SLC24A3: variants seen among roughly 807,000 people sequenced by gnomAD.
The protein encoded by SLC24A3 is solute carrier family 24 member 3.
Under a neutral mutation model 75.8 loss-of-function variants are expected in SLC24A3, and 28 were observed. The ratio of observed to expected loss-of-function variants is 0.37; its 90% CI spans 0.27 to 0.51. The LOEUF is 0.51. Ranked by LOEUF, SLC24A3 falls within the 20% of genes least tolerant of loss-of-function variation. SLC24A3 has a pLI of 0.94. For synonymous variants in SLC24A3, 372 were observed against 334.1 expected, an observed-to-expected ratio of 1.11 and a Z score of -1.24; for missense variants, 663 against 847.8, an observed-to-expected ratio of 0.78 and a Z score of 2.71.
At chr20:19,248,373 AT>A (rs568298333) in intron 1 of SLC24A3, among the ~76,000 whole-genome samples, 132 of 152,366 alleles carry the variant, frequency 8.7e-4, no homozygotes, top group African/African-American at 3.0e-3. Flanking sequence ...TAATAAAAAA[AT>A]GACGATGGTT....
chr20:19,385,647 T>C (rs939759363), intron 2 of SLC24A3, among the ~76,000 whole-genome samples: 1 of 152,050 alleles, frequency 6.6e-6, no homozygotes, highest in Non-Finnish European at 1.5e-5. Flanking sequence ...AATTGGCTTT[T>C]TTTTTTTTTT....
intron 2 of SLC24A3, chr20:19,284,568 G>T (rs1983757116): frequency 6.6e-6 from 1 of 152,488 alleles, no homozygotes; most frequent in Admixed American, 6.5e-5. Flanking sequence ...TTTACACAGG[G>T]ACTTGAGTGT....
intron 2 of SLC24A3, chr20:19,355,199 A>G (rs1027629481): frequency 5.3e-5 from 8 of 152,174 alleles, no homozygotes; most frequent in East Asian, 3.9e-4. Context: ...TGTGGTTCCA[A>G]TCACTGCATT....
intron 3 of SLC24A3, among the ~76,000 whole-genome samples, chr20:19,548,948 G>A (rs1305071279): frequency 2.0e-5 from 3 of 152,218 alleles, no homozygotes; most frequent in African/African-American, 7.2e-5. Context: ...GCAGGTCAGG[G>A]CAGTAGGGTT....
At chr20:19,283,664 C>G (rs1266144666) in intron 2 of SLC24A3, among the ~76,000 whole-genome samples, 1 of 152,212 alleles carries the variant, frequency 6.6e-6, no homozygotes, top group Non-Finnish European at 1.5e-5. Context: ...TAGAGTCACA[C>G]TGACCTGAAG....
chr20:19,665,858 TCA>T lies in SLC24A3; in HGVS notation c.688-3_688-2del. 3 of 1,602,820 alleles carry T rather than the reference TCA, an allele frequency of 1.9e-6. No individual in the cohort carries two copies. Among genetic ancestry groups the T allele is most frequent in the Non-Finnish European group, 2.6e-6 (3 of 1,173,750 alleles). ...CTAATCTTCTATTCTTTTTATTTTT[TCA>T]CAGTTTATTTATGATGAAAAAGTTT... On this transcript the variant is annotated splice_region_variant and splice_polypyrimidine_tract_variant and intron_variant, in intron 7 of 16. Transcript: ENST00000328041.
chr20:19,452,376 A>ATGTGTGTGTGTGTGTGTG (rs34840970), intron 2 of SLC24A3, among the ~76,000 whole-genome samples: 74 of 113,060 alleles, frequency 6.5e-4, no homozygotes, highest in East Asian at 3.9e-3. Flanking sequence ...CCTGTGGGGG[A>ATGTGTGTGTGTGTGTGTG]TGTGTGTGTG....
chr20:19,680,101 C>T (rs1021163701), intron 9 of SLC24A3, among the ~76,000 whole-genome samples: 11 of 137,376 alleles, frequency 8.0e-5, no homozygotes, highest in East Asian at 2.1e-4. Context: ...TCTGTGTGTG[C>T]GAGTGTGTGT....
At chr20:19,521,988 T>A (rs2122565173) in intron 3 of SLC24A3, among the ~76,000 whole-genome samples, 1 of 152,246 alleles carries the variant, frequency 6.6e-6, no homozygotes, top group South Asian at 2.1e-4. Flanking sequence ...CAACTCTCCA[T>A]TTGTAGGCCA....
At chr20:19,281,949 G>A (rs758464712) in intron 2 of SLC24A3, among the ~76,000 whole-genome samples, 1 of 152,192 alleles carries the variant, frequency 6.6e-6, no homozygotes, top group East Asian at 1.9e-4. Context: ...CTTTGACTTG[G>A]ACCTCGAAGC....
In SLC24A3 at chr20:19,647,787, CAA is replaced by C. The variant is rs143536803; in HGVS notation, c.613-6274_613-6273del. ...TTCAGCAAGATCAATGAAGAGCACT[CAA>C]GAGATTATTCTATGTCTGCACTGTC... On this transcript the variant is annotated intron_variant, in intron 6 of 16. Coordinates refer to ENST00000328041, the MANE Select transcript of SLC24A3 (RefSeq NM_020689.4). 7.2e-4 allele frequency among the ~76,000 whole-genome samples: 110 copies of C among 152,296 alleles called. 1 individual carries two copies. Among genetic ancestry groups the C allele is most frequent in the African/African-American group, 2.5e-3 (102 of 41,556 alleles).
chr20:19,698,637 TC>T lies in SLC24A3; in HGVS notation c.1680del (p.Trp561GlyfsTer16). 1 of 1,593,308 alleles carries T rather than the reference TC, an allele frequency of 6.3e-7. No homozygotes were observed. The highest frequency in any genetic ancestry group is 8.6e-7 in the Non-Finnish European group (1 of 1,167,918). The part of the protein sequence containing the change: ...NVFDILIGLG[L>X]PWALQTLAVD... ...TTTGACATCCTGATTGGCCTCGGTCTCCCCTGGGCTCTGCAGACCCTGGCTG... is the reference window on the plus strand; with the variant it reads ...TTTGACATCCTGATTGGCCTCGGTCTCCCTGGGCTCTGCAGACCCTGGCTG... On this transcript the variant is annotated frameshift_variant, in exon 15 of 17. Coordinates refer to ENST00000328041, the MANE Select transcript of SLC24A3 (RefSeq NM_020689.4). LOFTEE classifies it high-confidence loss of function.
chr20:19,231,035 G>T (rs1252499216), intron 1 of SLC24A3, among the ~76,000 whole-genome samples: 1 of 152,106 alleles, frequency 6.6e-6, no homozygotes, highest in African/African-American at 2.4e-5. Context: ...CTGTTTCTAT[G>T]GTTTACCCCA....
intron 2 of SLC24A3, among the ~76,000 whole-genome samples, chr20:19,380,781 A>G (rs1986167272): frequency 6.6e-6 from 1 of 152,208 alleles, no homozygotes; most frequent in Admixed American, 6.5e-5. Flanking sequence ...TGATGTCCAA[A>G]ATGATTCCAT....
intron 15 of SLC24A3, among the ~76,000 whole-genome samples, chr20:19,713,146 T>C (rs1188113778): frequency 6.6e-6 from 1 of 152,206 alleles, no homozygotes; most frequent in Non-Finnish European, 1.5e-5. Flanking sequence ...GTGAATGAAC[T>C]CTACTTAATG....
At chr20:19,720,929 C>T (rs1272826272) in intron 16 of SLC24A3, 62 bp from the exon 17 acceptor site, 8 of 1,592,302 alleles carry the variant, frequency 5.0e-6, no homozygotes, top group East Asian at 4.5e-5. Flanking sequence ...GGTTCCCCTA[C>T]CAACCCCCCA....
At chr20:19,581,371 G>A (rs543628267) in intron 4 of SLC24A3, among the ~76,000 whole-genome samples, 2 of 152,116 alleles carry the variant, frequency 1.3e-5, no homozygotes, top group Non-Finnish European at 2.9e-5. Flanking sequence ...TTTTTGGTGT[G>A]AATATCAAAA....
chr20:19,639,524 T>G (rs1600315487), intron 6 of SLC24A3, among the ~76,000 whole-genome samples: 1 of 152,168 alleles, frequency 6.6e-6, no homozygotes, highest in Non-Finnish European at 1.5e-5. Flanking sequence ...GACATAAAGG[T>G]TCTCCACGTC....
At chr20:19,448,131 C>T (rs988995440) in intron 2 of SLC24A3, among the ~76,000 whole-genome samples, 2 of 152,218 alleles carry the variant, frequency 1.3e-5, no homozygotes, top group African/African-American at 4.8e-5. Flanking sequence ...ATGCCGGATC[C>T]AAGGTTTTCA....
Sources: allele counts gnomAD v4.1 joint callset (sites outside exome capture counted in the v4.1 genomes callset), GRCh38; gene constraint gnomAD v4.1.1; transcripts MANE v1.5; gene names NCBI Gene and HGNC (gene_info 2026-07-23, HGNC 2026-07-21).